CA12: variants seen among roughly 807,000 people sequenced by gnomAD.
The protein encoded by CA12 is carbonate dehydratase XII.
A neutral mutation model predicts 46.8 loss-of-function variants in CA12; 36 were observed. The ratio of observed to expected loss-of-function variants is 0.77; its 90% CI spans 0.59 to 1.02. CA12 has a LOEUF of 1.02. CA12 is among the 50% of genes least tolerant of loss of function. The probability of loss-of-function intolerance (pLI) is 0.00; values close to 1 mark genes in which losing one functional copy is unlikely to be tolerated. For missense variants in CA12, 436 were observed against 451.4 expected (o/e 0.97, Z 0.31); for synonymous variants, 202 against 187.0 (o/e 1.08, Z -0.65).
chr15:63,357,657 CT>C (rs34001115), intron 2 of CA12, among the ~76,000 whole-genome samples: 134,306 of 151,582 alleles, frequency 0.89, 60,599 homozygotes, highest in Non-Finnish European at 0.97. Flanking sequence ...TTCTTTCTTT[CT>C]TTTTTTTTTA....
Position 63,328,778 on chromosome 15 carries a change from G to A in CA12, c.875-648C>T, listed in dbSNP as rs1449873297. On this transcript the variant is annotated intron_variant, in intron 8 of 10. Transcript: ENST00000178638. This position sits in a 1 kb window ranked among gnomAD's most constrained non-coding sequence, Gnocchi z 5.9. Reference sequence around the variant, plus strand: ...TGCAGTGGCACAATCTTGGCTCACTGCAACCTCCACCTCCTGGGTTCAAGC... The same window carrying A: ...TGCAGTGGCACAATCTTGGCTCACTACAACCTCCACCTCCTGGGTTCAAGC... 6.6e-6 allele frequency among the ~76,000 whole-genome samples: 1 copy of A among 150,980 alleles called. No individual in the cohort carries two copies. Among genetic ancestry groups the A allele is most frequent in the African/African-American group, 2.4e-5 (1 of 40,988 alleles).
chr15:63,352,534 C>A (rs1485530745), intron 2 of CA12, among the ~76,000 whole-genome samples: 7 of 152,204 alleles, frequency 4.6e-5, no homozygotes, highest in Non-Finnish European at 1.0e-4. Context: ...CATGACACTT[C>A]TTGGAGGTCA....
chr15:63,337,349 G>A (rs991342680), intron 8 of CA12, among the ~76,000 whole-genome samples: 1 of 152,222 alleles, frequency 6.6e-6, no homozygotes, highest in Non-Finnish European at 1.5e-5. Flanking sequence ...AAGTTTAGGA[G>A]GTGATCGTTA....
At chr15:63,359,382 G>A (rs564451345) in intron 2 of CA12, among the ~76,000 whole-genome samples, 4 of 151,578 alleles carry the variant, frequency 2.6e-5, no homozygotes, top group Non-Finnish European at 5.9e-5. Context: ...CAACTGACTC[G>A]TTCCTCTCCT....
rs1017941023 is a variant in CA12 at position 63,381,645 on chromosome 15, G to C, written c.76C>G (p.Pro26Ala). 6.2e-7 allele frequency: 1 copy of C among 1,611,164 alleles called. No individual in the cohort carries two copies. Among genetic ancestry groups the C allele is most frequent in the Non-Finnish European group, 8.5e-7 (1 of 1,178,780 alleles). ...CAGGCGGAAACTTTACCGTTCACTG[G>C]GGCCGGGCTGGAAGGCTGTTCCTTT... The part of the protein sequence containing the change: ...ILKEQPSSPA[P>A]VNGSKWTYFG... Residue 26 changes from proline to alanine, a missense_variant, in exon 1 of 11, where the codon CCA (proline) becomes GCA (alanine). Physicochemically the swap from Pro to Ala is conservative, Grantham distance 27. Transcript: ENST00000178638.
At chr15:63,326,689 A>G (rs2038871674) in intron 10 of CA12, among the ~76,000 whole-genome samples, 1 of 152,124 alleles carries the variant, frequency 6.6e-6, no homozygotes, top group Non-Finnish European at 1.5e-5. Context: ...CCCCAAATAA[A>G]TTAGGTTTTA....
chr15:63,379,714 C>T (rs1487289789), intron 1 of CA12, among the ~76,000 whole-genome samples: 2 of 152,200 alleles, frequency 1.3e-5, no homozygotes, highest in African/African-American at 2.4e-5. Context: ...TATCAGAGGT[C>T]CTGGGCCCTG....
In CA12 at chr15:63,345,404, C is replaced by G; in HGVS notation, c.429+73G>C. ...GTCCCATGCTCTGGTGTTATCTGCA[C>G]AGCAGCCAGGTCGAGAAGGTGCCAC... On this transcript the variant is annotated intron_variant, in intron 4 of 10. Transcript: ENST00000178638. This position sits in a 1 kb window ranked among gnomAD's most constrained non-coding sequence, Gnocchi z 4.3. 6.3e-7 allele frequency: 1 copy of G among 1,580,994 alleles called. No homozygotes were observed. The highest frequency in any genetic ancestry group is 1.7e-4 in the Middle Eastern group (1 of 6,008).
Position 63,340,048 on chromosome 15 carries a change from A to G in CA12, c.747+240T>C, listed in dbSNP as rs28736570. The G allele has an allele frequency of 0.011, 6,240 of 554,260 alleles. 293 individuals carry two copies. The highest frequency in any genetic ancestry group is 0.1 in the African/African-American group (5,516 of 52,918). The allele number at this position is 554,260 out of a possible 1,614,324, so 34.3% of individuals were successfully genotyped here. On this transcript the variant is annotated intron_variant, in intron 7 of 10. Coordinates refer to ENST00000178638, the MANE Select transcript of CA12 (RefSeq NM_001218.5). This position sits in a 1 kb window ranked among gnomAD's most constrained non-coding sequence, Gnocchi z 4.4. Reference sequence around the variant, plus strand: ...ACTGAGGATATATTAGCAAATGCAGATTTAGAGCTCTTTTTTTTAAAAAAG... The same window carrying G: ...ACTGAGGATATATTAGCAAATGCAGGTTTAGAGCTCTTTTTTTTAAAAAAG...
intron 2 of CA12, among the ~76,000 whole-genome samples, chr15:63,350,698 T>C (rs1361892181): frequency 2.0e-5 from 3 of 152,158 alleles, no homozygotes; most frequent in Non-Finnish European, 4.4e-5. Flanking sequence ...TGATTGGGAA[T>C]TTTGAGGCCC....
chr15:63,342,704 G>A (rs922263811), intron 4 of CA12, among the ~76,000 whole-genome samples: 2 of 152,156 alleles, frequency 1.3e-5, no homozygotes, highest in Non-Finnish European at 1.5e-5. Flanking sequence ...AATGCCCTTG[G>A]TCAAGAGGAG....
chr15:63,351,994 G>C (rs766644035), intron 2 of CA12, among the ~76,000 whole-genome samples: 1 of 152,212 alleles, frequency 6.6e-6, no homozygotes, highest in African/African-American at 2.4e-5. Context: ...AAAGGGATGA[G>C]AGAAGGGTGT....
At position 63,338,823 on chromosome 15, in the gene CA12, G is replaced by A. The variant is rs1351414018; in HGVS notation, c.870C>T (p.Ser290=). ...CCCAGCACTGCCTCTCCTCACCTTG[G>A]GAGAAGGAGGTGTATACCAGCCTCT... ...FDERLVYTSF[S]QVQVCTAAGL... Residue 290 remains serine, a synonymous_variant, in exon 8 of 11, where the codon TCC becomes TCT. Coordinates refer to ENST00000178638, the MANE Select transcript of CA12 (RefSeq NM_001218.5). The A allele has an allele frequency of 1.2e-6, 2 of 1,613,960 alleles. No individual in the cohort carries two copies. Among genetic ancestry groups the A allele is most frequent in the Non-Finnish European group, 1.7e-6 (2 of 1,180,028 alleles).
At position 63,322,162 on chromosome 15, in the gene CA12, G is replaced by A. The variant is rs1377032422; in HGVS notation, c.*4123C>T. Reference sequence around the variant, plus strand: ...TGGAAAACAACTTCTAAGTGTGTTTGGAGCAACTCGGATATTGGAATCTTT... The same window carrying A: ...TGGAAAACAACTTCTAAGTGTGTTTAGAGCAACTCGGATATTGGAATCTTT... On this transcript the variant is annotated 3_prime_UTR_variant, in exon 11 of 11. Coordinates refer to ENST00000178638, the MANE Select transcript of CA12 (RefSeq NM_001218.5). This position sits in a 1 kb window ranked among gnomAD's most constrained non-coding sequence, Gnocchi z 4.1. 2 of 152,144 alleles carry A rather than the reference G, an allele frequency of 1.3e-5. No individual in the cohort carries two copies. The highest frequency in any genetic ancestry group is 4.8e-5 in the African/African-American group (2 of 41,426). The allele number at this position is 152,144 out of a possible 1,614,324, so 9.4% of individuals were successfully genotyped here. A position where few individuals can be genotyped will look rare whatever the true frequency, so the allele number is the denominator to read the frequency against.
At chr15:63,379,823 G>A (rs775120052) in intron 1 of CA12, among the ~76,000 whole-genome samples, 1 of 152,228 alleles carries the variant, frequency 6.6e-6, no homozygotes, top group African/African-American at 2.4e-5. Flanking sequence ...GGCAGGGCAA[G>A]CTCTGCAGAA....
At chr15:63,349,947 A>G (rs947121589) in intron 2 of CA12, among the ~76,000 whole-genome samples, 6 of 152,216 alleles carry the variant, frequency 3.9e-5, no homozygotes, top group Non-Finnish European at 8.8e-5. Flanking sequence ...TCCTCAAAAA[A>G]GAGGAGGAAA....
intron 2 of CA12, among the ~76,000 whole-genome samples, chr15:63,361,465 G>T (rs983630609): frequency 2.6e-5 from 4 of 151,310 alleles, no homozygotes; most frequent in Non-Finnish European, 4.4e-5. Flanking sequence ...GTCACAACTT[G>T]GGGGGGTGCT....
At chr15:63,379,491 A>G (rs2039617741) in intron 1 of CA12, among the ~76,000 whole-genome samples, 1 of 152,214 alleles carries the variant, frequency 6.6e-6, no homozygotes, top group Non-Finnish European at 1.5e-5. Context: ...TGATTCCACA[A>G]GCGAGGCCAG....
In CA12 at chr15:63,341,919, C is replaced by G; in HGVS notation, c.525+83G>C. 1 of 923,084 alleles carries G rather than the reference C, an allele frequency of 1.1e-6. No homozygotes were observed. 57.2% of individuals were successfully genotyped at this position (923,084 alleles called of 1,614,324 possible). ...CGATACAGGAACAGCTGATTATCAA[C>G]AGGTATGCATGGAACAAAAGGTGGA... On this transcript the variant is annotated intron_variant, in intron 5 of 10. Transcript: ENST00000178638. The surrounding 1 kb of genome is among the most constrained non-coding windows in gnomAD (Gnocchi z 5.2).
Sources: allele counts gnomAD v4.1 joint callset (sites outside exome capture counted in the v4.1 genomes callset), GRCh38; gene constraint gnomAD v4.1.1; non-coding constraint Gnocchi (gnomAD v3.1); transcripts MANE v1.5; gene names NCBI Gene and HGNC (gene_info 2026-07-23, HGNC 2026-07-21).